PIWIL2: variants seen among roughly 807,000 people sequenced by gnomAD.
PIWIL2 encodes piwi-like protein 2.
In PIWIL2, 81 loss-of-function variants were observed where a neutral mutation model predicts 116.5. That is an observed-to-expected ratio of 0.70 (90% CI 0.58 to 0.84). The LOEUF (loss-of-function observed/expected upper bound fraction) is 0.84. PIWIL2 is among the 40% of genes least tolerant of loss of function. The pLI is 0.00. For synonymous variants in PIWIL2, 489 were observed against 429.5 expected (o/e 1.14, Z -1.71); for missense variants, 1,272 against 1,212.3 (o/e 1.05, Z -0.73).
intron 20 of PIWIL2, among the ~76,000 whole-genome samples, chr8:22,339,491 A>C (rs906320629): frequency 6.0e-5 from 9 of 149,856 alleles, no homozygotes; most frequent in Non-Finnish European, 1.3e-4. Context: ...CTGGTGACAG[A>C]GTGAGACTCC....
intron 19 of PIWIL2, among the ~76,000 whole-genome samples, chr8:22,316,608 A>G (rs1284371387): frequency 6.6e-6 from 1 of 151,610 alleles, no homozygotes; most frequent in African/African-American, 2.4e-5. Flanking sequence ...CAGCCTCCCC[A>G]GTAGCTGGGA....
intron 19 of PIWIL2, 129 bp downstream of exon 19, chr8:22,316,462 A>T (rs78456968): frequency 1.0e-5 from 6 of 598,112 alleles, no homozygotes; most frequent in Admixed American, 2.9e-5. Flanking sequence ...TTCTTCCTCT[A>T]TCTTCATGTG....
intron 20 of PIWIL2, among the ~76,000 whole-genome samples, chr8:22,345,222 A>T (rs1174360994): frequency 6.6e-6 from 1 of 152,264 alleles, no homozygotes; most frequent in Non-Finnish European, 1.5e-5. Context: ...CAGATTTACC[A>T]CATGACCCAA....
chr8:22,352,278 A>G (rs1477457640), intron 20 of PIWIL2, among the ~76,000 whole-genome samples: 6 of 152,254 alleles, frequency 3.9e-5, no homozygotes, highest in Non-Finnish European at 8.8e-5. Flanking sequence ...CACAACTAGA[A>G]CACAATTATA....
intron 16 of PIWIL2, 80 bp downstream of exon 16, chr8:22,311,380 T>C: frequency 5.2e-6 from 6 of 1,152,524 alleles, no homozygotes; most frequent in Non-Finnish European, 6.3e-6. Flanking sequence ...ATCATGGTTA[T>C]CAGTCTGCTG....
intron 20 of PIWIL2, among the ~76,000 whole-genome samples, chr8:22,338,116 C>G (rs962646470): frequency 6.6e-6 from 1 of 151,400 alleles, no homozygotes; most frequent in South Asian, 2.1e-4. Flanking sequence ...AATTGAAGAT[C>G]TAAATAAAAG....
chr8:22,343,610 A>G (rs7003478), intron 20 of PIWIL2, among the ~76,000 whole-genome samples: 62,945 of 151,930 alleles, frequency 0.41, 15,576 homozygotes, highest in East Asian at 0.82. Flanking sequence ...AAATAGGTAG[A>G]TAGATAGATG....
chr8:22,277,048 A>G lies in PIWIL2; in HGVS notation c.-47+1650A>G, dbSNP rs549087046. ...ATATATATATATTTTTTTTTTTGAG[A>G]CAGAATCTTGTGCTGTCACCCAGGC... On this transcript the variant is annotated intron_variant, in intron 1 of 22. Transcript: ENST00000356766. Among the ~76,000 whole-genome samples the G allele has an allele frequency of 4.7e-5, 7 of 150,450 alleles. No individual in the cohort carries two copies. The South Asian group carries it at 1.5e-3, about 32-fold the overall frequency.
At chr8:22,322,985 C>T (rs751952501) in intron 20 of PIWIL2, among the ~76,000 whole-genome samples, 14 of 151,822 alleles carry the variant, frequency 9.2e-5, no homozygotes, top group Non-Finnish European at 1.9e-4. Flanking sequence ...GGTATGATCT[C>T]GGCTCACTGC....
In PIWIL2 at chr8:22,287,619, C is replaced by G. The variant is rs1261907431; in HGVS notation, c.835C>G (p.Leu279Val). The G allele has an allele frequency of 6.2e-7, 1 of 1,607,910 alleles. No homozygotes were observed. The highest frequency in any genetic ancestry group is 1.7e-5 in the Admixed American group (1 of 60,008). ...GNVTAFDGSI[L>V]YLPVKLQQVL... ...CGTCACTGCGTTTGATGGATCTATT[C>G]TCTATCTGCCTGTTAAGCTTCAACA... is the stretch of plus-strand genomic sequence containing the variant. The change falls in exon 7 of 23, where the codon CTC becomes GTC. Residue 279 changes from leucine to valine, a missense_variant. Physicochemically the swap from Leu to Val is conservative, Grantham distance 32. Transcript: ENST00000356766.
intron 10 of PIWIL2, among the ~76,000 whole-genome samples, chr8:22,292,374 G>A (rs916786991): frequency 6.6e-6 from 1 of 152,226 alleles, no homozygotes; most frequent in Non-Finnish European, 1.5e-5. Flanking sequence ...GTAATCCAGT[G>A]GAGCCATGAG....
chr8:22,323,218 G>T (rs1179709795), intron 20 of PIWIL2, among the ~76,000 whole-genome samples: 1 of 141,314 alleles, frequency 7.1e-6, no homozygotes, highest in African/African-American at 2.6e-5. Context: ...CACATTCTCG[G>T]CTCACTGCAA....
chr8:22,353,764 C>CT (rs760913894), intron 21 of PIWIL2, among the ~76,000 whole-genome samples: 5,936 of 67,988 alleles, frequency 0.087, 1,682 homozygotes, highest in African/African-American at 0.26. Flanking sequence ...GTTTCTACCA[C>CT]TTTTTTTTTT....
intron 20 of PIWIL2, among the ~76,000 whole-genome samples, chr8:22,325,226 T>A (rs1343231311): frequency 6.6e-6 from 1 of 152,136 alleles, no homozygotes; most frequent in African/African-American, 2.4e-5. Context: ...TTCCTTCGAT[T>A]CAGCAGAAAA....
intron 7 of PIWIL2, 141 bp from the exon 8 acceptor site, chr8:22,288,401 G>T: frequency 1.9e-6 from 1 of 528,562 alleles, no homozygotes; most frequent in Non-Finnish European, 3.3e-6. Flanking sequence ...TTGCTAGTGT[G>T]GGCAACAAAG....
chr8:22,290,142 G>A, intron 9 of PIWIL2, 91 bp from the exon 10 acceptor site: 1 of 766,082 alleles, frequency 1.3e-6, no homozygotes, highest in East Asian at 2.6e-5. Context: ...TTAGGGAAGG[G>A]CAGTATCACC....
At chr8:22,291,153 T>C (rs1830757602) in intron 10 of PIWIL2, among the ~76,000 whole-genome samples, 1 of 151,472 alleles carries the variant, frequency 6.6e-6, no homozygotes, top group Non-Finnish European at 1.5e-5. Context: ...TTCTTTTCTT[T>C]TCTTTTTTTT....
At chr8:22,320,236 C>G (rs915751309) in intron 20 of PIWIL2, among the ~76,000 whole-genome samples, 9 of 144,840 alleles carry the variant, frequency 6.2e-5, no homozygotes, top group Non-Finnish European at 1.2e-4. Context: ...GCTAGGATTA[C>G]AGGTGTGAGC....
intron 20 of PIWIL2, among the ~76,000 whole-genome samples, chr8:22,339,616 G>A (rs1832060859): frequency 6.6e-6 from 1 of 152,132 alleles, no homozygotes. Context: ...AGCAAAAGCA[G>A]CCAAAGAAAA....
Sources: allele counts gnomAD v4.1 joint callset (sites outside exome capture counted in the v4.1 genomes callset), GRCh38; gene constraint gnomAD v4.1.1; transcripts MANE v1.5; gene names NCBI Gene and HGNC (gene_info 2026-07-23, HGNC 2026-07-21).